The following CNNM2 variants were observed in gnomAD, a reference collection of about 807,000 sequenced individuals.
CNNM2 encodes the protein cyclin and CBS domain divalent metal cation transport mediator 2.
In CNNM2, 12 loss-of-function variants were observed where a neutral mutation model predicts 66.9. The ratio of observed to expected loss-of-function variants is 0.18; its 90% confidence interval spans 0.11 to 0.29. The LOEUF (loss-of-function observed/expected upper bound fraction) is 0.29, where lower values mean the gene tolerates loss of function less well. Ranked by LOEUF, CNNM2 falls within the 10% of genes least tolerant of loss-of-function variation. The pLI is 1.00. For synonymous variants in CNNM2, 557 were observed against 501.8 expected (o/e 1.11, Z -1.47); for missense variants, 705 against 1,167.7 (o/e 0.60, Z 5.77).
At chr10:102,967,273 G>T (rs2134210817) in intron 1 of CNNM2, among the ~76,000 whole-genome samples, 1 of 152,120 alleles carries the variant, frequency 6.6e-6, no homozygotes, top group Non-Finnish European at 1.5e-5. Context: ...TCCTAAACTG[G>T]TTTTATTGAG....
At chr10:103,070,365 C>G (rs959740921) in intron 5 of CNNM2, among the ~76,000 whole-genome samples, 7 of 152,088 alleles carry the variant, frequency 4.6e-5, no homozygotes, top group African/African-American at 1.7e-4. Context: ...TATAATGATG[C>G]CAGCTCATGT....
In CNNM2 at chr10:103,054,393, G is replaced by T; in HGVS notation, c.1830G>T (p.Lys610Asn). 3 of 1,613,762 alleles carry T rather than the reference G, an allele frequency of 1.9e-6. No individual in the cohort carries two copies. Among genetic ancestry groups the T allele is most frequent in the Non-Finnish European group, 2.5e-6 (3 of 1,179,848 alleles). ...GAAAGCAAGATTTTTCTGCCTTTAA[G>T]CAGACAGACAGTGAGATGAAGGTTA... The part of the protein sequence containing the change: ...RERKQDFSAF[K>N]QTDSEMKVKI... The change falls in exon 3 of 8, where the codon AAG (lysine) becomes AAT (asparagine). Residue 610 changes from lysine to asparagine, a missense_variant. This residue lies in a region of CNNM2 where 171 missense variants were observed against 304.8 expected (regional missense o/e 0.56). Transcript: ENST00000369878. The surrounding 1 kb of genome is among the most constrained non-coding windows in gnomAD (Gnocchi z 5.2).
intron 1 of CNNM2, among the ~76,000 whole-genome samples, chr10:102,932,765 A>G (rs1299903941): frequency 6.6e-6 from 1 of 151,980 alleles, no homozygotes; most frequent in Non-Finnish European, 1.5e-5. Context: ...TAAAAATACA[A>G]AAATTAGCCA....
intron 1 of CNNM2, among the ~76,000 whole-genome samples, chr10:103,013,542 G>A (rs1287501229): frequency 6.6e-6 from 1 of 152,152 alleles, no homozygotes; most frequent in Non-Finnish European, 1.5e-5. Context: ...GTGCGCTCAG[G>A]TGTGACTGAC....
intron 4 of CNNM2, among the ~76,000 whole-genome samples, chr10:103,059,776 T>C: frequency 6.6e-6 from 1 of 152,180 alleles, no homozygotes. Flanking sequence ...AGTTTTAAAC[T>C]GAATACCTTG....
At chr10:102,954,314 C>G (rs1224372814) in intron 1 of CNNM2, among the ~76,000 whole-genome samples, 1 of 151,664 alleles carries the variant, frequency 6.6e-6, no homozygotes, top group African/African-American at 2.4e-5. Context: ...TTTTTGGGGT[C>G]TCACTATGTG....
chr10:103,078,175 C>T lies in CNNM2; in HGVS notation c.*995C>T, dbSNP rs990230327. 10 of 152,430 alleles carry T rather than the reference C, an allele frequency of 6.6e-5. No homozygotes were observed. The highest frequency in any genetic ancestry group is 2.2e-4 in the African/African-American group (9 of 41,590). 9.4% of individuals were successfully genotyped at this position (152,430 alleles called of 1,614,324 possible). A position where few individuals can be genotyped will look rare whatever the true frequency, so the allele number is the denominator to read the frequency against. ...CGTGATGTGGAGTGCAAGCTCCTCC[C>T]CTTCCCACTAGAACATACTTTAACA... On this transcript the variant is annotated 3_prime_UTR_variant, in exon 8 of 8. Coordinates refer to ENST00000369878, the MANE Select transcript of CNNM2 (RefSeq NM_017649.5).
intron 5 of CNNM2, 81 bp from the exon 6 acceptor site, chr10:103,071,693 A>C: frequency 1.2e-5 from 12 of 1,022,450 alleles, no homozygotes; most frequent in Non-Finnish European, 1.9e-5. Context: ...TAGAACAAGT[A>C]TCCCCTCCTG....
intron 1 of CNNM2, among the ~76,000 whole-genome samples, chr10:103,047,532 T>G (rs899359266): frequency 2.6e-5 from 4 of 152,232 alleles, no homozygotes; most frequent in African/African-American, 9.7e-5. Context: ...TGCCAATTTT[T>G]TAGTTTTGAC....
intron 1 of CNNM2, among the ~76,000 whole-genome samples, chr10:102,941,755 C>T (rs1317530529): frequency 6.6e-6 from 1 of 152,212 alleles, no homozygotes; most frequent in African/African-American, 2.4e-5. Flanking sequence ...TCTCCTTAGC[C>T]CTCTACTGTA....
Position 103,077,603 on chromosome 10 carries a change from G to T in CNNM2, c.*423G>T. The T allele has an allele frequency of 1.2e-5, 2 of 171,166 alleles. No individual in the cohort carries two copies. Among genetic ancestry groups the T allele is most frequent in the South Asian group, 3.0e-4 (2 of 6,636 alleles). 10.6% of individuals were successfully genotyped at this position (171,166 alleles called of 1,614,324 possible). A position where few individuals can be genotyped will look rare whatever the true frequency, so the allele number is the denominator to read the frequency against. ...TGTCTGAACTCTGCTGTGATCCCATGATGTGACCCTGATGGGCTGGACTTG... is the reference window on the plus strand; with the variant it reads ...TGTCTGAACTCTGCTGTGATCCCATTATGTGACCCTGATGGGCTGGACTTG... On this transcript the variant is annotated 3_prime_UTR_variant, in exon 8 of 8. Coordinates refer to ENST00000369878, the MANE Select transcript of CNNM2 (RefSeq NM_017649.5).
chr10:103,033,589 C>T (rs1267551180), intron 1 of CNNM2, among the ~76,000 whole-genome samples: 2 of 152,116 alleles, frequency 1.3e-5, no homozygotes, highest in Admixed American at 1.3e-4. Context: ...TGAAATACAT[C>T]CGTCTCTACA....
intron 1 of CNNM2, among the ~76,000 whole-genome samples, chr10:103,014,461 C>T (rs1199242435): frequency 6.6e-6 from 1 of 152,142 alleles, no homozygotes; most frequent in African/African-American, 2.4e-5. Context: ...CACAAAAATT[C>T]GAGTAACTTG....
chr10:102,964,071 T>C (rs1189515960), intron 1 of CNNM2, among the ~76,000 whole-genome samples: 1 of 152,234 alleles, frequency 6.6e-6, no homozygotes, highest in East Asian at 1.9e-4. Context: ...TAATGGACTT[T>C]AGAGTGCCTT....
chr10:103,001,175 G>A (rs2064115057), intron 1 of CNNM2, among the ~76,000 whole-genome samples: 1 of 152,164 alleles, frequency 6.6e-6, no homozygotes, highest in Non-Finnish European at 1.5e-5. Context: ...GTTGTCAGGG[G>A]CTGTGGAGAG....
At chr10:103,021,027 C>G (rs992878615) in intron 1 of CNNM2, among the ~76,000 whole-genome samples, 1 of 152,152 alleles carries the variant, frequency 6.6e-6, no homozygotes, top group East Asian at 1.9e-4. Context: ...CTTTGCTTCT[C>G]CCTATGGTGG....
At chr10:103,038,566 G>T (rs1353619546) in intron 1 of CNNM2, among the ~76,000 whole-genome samples, 1 of 152,180 alleles carries the variant, frequency 6.6e-6, no homozygotes, top group South Asian at 2.1e-4. Flanking sequence ...CCAGGAGAGG[G>T]CCCTGTATCA....
At chr10:103,057,067 A>AG in intron 4 of CNNM2, 103 bp downstream of exon 4, 1 of 1,153,214 alleles carries the variant, frequency 8.7e-7, no homozygotes, top group Non-Finnish European at 1.2e-6. Flanking sequence ...ACCTTTCTAT[A>AG]GGGGGTAGCC....
intron 1 of CNNM2, among the ~76,000 whole-genome samples, chr10:102,977,713 G>A (rs2063658128): frequency 6.6e-6 from 1 of 151,998 alleles, no homozygotes; most frequent in African/African-American, 2.4e-5. Context: ...CCCAGCTACT[G>A]GGGTGGCTGA....
Sources: allele counts gnomAD v4.1 joint callset (sites outside exome capture counted in the v4.1 genomes callset), GRCh38; gene constraint gnomAD v4.1.1; regional missense constraint gnomAD v4.1.1; non-coding constraint Gnocchi (gnomAD v3.1); transcripts MANE v1.5; gene names NCBI Gene and HGNC (gene_info 2026-07-23, HGNC 2026-07-21).